Variants in EHD2 observed in about 807,000 individuals in gnomAD.
EHD2 encodes EH domain containing 2.
Under a neutral mutation model 41.0 loss-of-function variants are expected in EHD2, and 27 were observed. That is an observed-to-expected ratio of 0.66 (90% CI 0.49 to 0.91). EHD2 has a LOEUF of 0.91. Among genes scored for constraint, EHD2 ranks in the 40% least tolerant of loss-of-function variants. The probability of loss-of-function intolerance (pLI) is 0.00; values close to 1 mark genes in which losing one functional copy is unlikely to be tolerated. For synonymous variants in EHD2, 342 were observed against 341.0 expected, an observed-to-expected ratio of 1.00 and a Z score of -0.03; for missense variants, 673 against 773.9, an observed-to-expected ratio of 0.87 and a Z score of 1.55.
At chr19:47,736,207 A>T (rs1009005367) in intron 4 of EHD2, among the ~76,000 whole-genome samples, 162 bp from the exon 5 acceptor site, 2 of 151,936 alleles carry the variant, frequency 1.3e-5, no homozygotes, top group African/African-American at 2.4e-5. Context: ...AAGAAAAAAA[A>T]AGAGAGAGAG....
At chr19:47,739,351 A>G (rs190044103) in intron 5 of EHD2, among the ~76,000 whole-genome samples, 1,877 of 141,700 alleles carry the variant, frequency 0.013, 21 homozygotes, top group Middle Eastern at 0.032. Context: ...CTGTAATCCC[A>G]GCACTTTGGG....
At position 47,741,294 on chromosome 19, in the gene EHD2, C is replaced by T. The variant is rs570148430; in HGVS notation, c.1494C>T (p.Asp498=). 84 of 1,614,000 alleles carry T rather than the reference C, an allele frequency of 5.2e-5. No individual in the cohort carries two copies. Among genetic ancestry groups the T allele is most frequent in the East Asian group, 3.6e-4 (16 of 44,880 alleles). Reference sequence around the variant, plus strand: ...GGAAGCTCAGCGATGTGGACCGCGACGGCATGCTGGATGATGAGGAGTTCG... The same window carrying T: ...GGAAGCTCAGCGATGTGGACCGCGATGGCATGCTGGATGATGAGGAGTTCG... ...RIWKLSDVDR[D]GMLDDEEFAL... is the part of the protein sequence containing the mutation. The change falls in exon 6 of 6, where the codon GAC becomes GAT. Residue 498 remains aspartate (D), a synonymous_variant. Transcript: ENST00000263277. The surrounding 1 kb of genome is among the most constrained non-coding windows in gnomAD (Gnocchi z 4.5).
At position 47,717,029 on chromosome 19, in the gene EHD2, C is replaced by T. The variant is rs773809180; in HGVS notation, c.404+13C>T. The T allele has an allele frequency of 1.8e-5, 29 of 1,598,852 alleles. 1 individual carries two copies. In the African/African-American group the frequency reaches 2.1e-4, roughly 12 times the overall value. ...CCTTCCTCAACAGGTGTGCCAGCCGCGAGCCCAGGGCGCATCTTTCTTTTT... is the reference window on the plus strand; with the variant it reads ...CCTTCCTCAACAGGTGTGCCAGCCGTGAGCCCAGGGCGCATCTTTCTTTTT... On this transcript the variant is annotated intron_variant, in intron 2 of 5. Transcript: ENST00000263277.
chr19:47,716,068 CTTTTTTTTTT>C (rs60295874), intron 1 of EHD2, among the ~76,000 whole-genome samples: 2 of 100,006 alleles, frequency 2.0e-5, no homozygotes, highest in Non-Finnish European at 3.9e-5. Context: ...TGTGCCTGGC[CTTTTTTTTTT>C]TTTTTTTTTT....
At chr19:47,726,992 T>C (rs905070705) in intron 4 of EHD2, among the ~76,000 whole-genome samples, 21 of 152,020 alleles carry the variant, frequency 1.4e-4, no homozygotes, top group African/African-American at 4.8e-4. Context: ...TCCTATAAAA[T>C]ATAGACAGAC....
chr19:47,730,590 T>C (rs1486616366), intron 4 of EHD2, among the ~76,000 whole-genome samples: 1 of 152,094 alleles, frequency 6.6e-6, no homozygotes, highest in Non-Finnish European at 1.5e-5. Flanking sequence ...CCTCCAAAGA[T>C]ACCAGGCCTT....
In EHD2 at chr19:47,716,655, C is replaced by T. The variant is rs142388414; in HGVS notation, c.43C>T (p.Pro15Ser). ...LKRGGARGQQ[P>S]EAIRTVTSAL... ...GCGGGGCGGGGCACGGGGCCAGCAG[C>T]CCGAGGCCATCCGCACGGTGACCTC... Residue 15 changes from proline (P) to serine (S), a missense_variant, in exon 2 of 6, where the codon CCC becomes TCC. Transcript: ENST00000263277. The T allele has an allele frequency of 7.9e-4, 1,247 of 1,584,102 alleles. 3 individuals carry two copies. The highest frequency in any genetic ancestry group is 1.0e-3 in the Non-Finnish European group (1,212 of 1,165,354).
intron 3 of EHD2, among the ~76,000 whole-genome samples, chr19:47,721,152 T>A (rs1326506074): frequency 7.2e-6 from 1 of 138,372 alleles, no homozygotes; most frequent in African/African-American, 3.1e-5. Context: ...TGTGTCTGGA[T>A]GTGCTACTGG....
Position 47,719,436 on chromosome 19 carries a change from G to A in EHD2, c.502+830G>A, listed in dbSNP as rs1308769502. On this transcript the variant is annotated intron_variant, in intron 3 of 5. Coordinates refer to ENST00000263277, the MANE Select transcript of EHD2 (RefSeq NM_014601.4). The surrounding 1 kb of genome is among the most constrained non-coding windows in gnomAD (Gnocchi z 4.1). ...CAGCTGTGCAAGGAGAGTGGCGGGG[G>A]GTGGATTCCAGCCGGGGCCTCCGGG... Among the ~76,000 whole-genome samples the A allele has an allele frequency of 6.6e-6, 1 of 152,066 alleles. No homozygotes were observed. Among genetic ancestry groups the A allele is most frequent in the Non-Finnish European group, 1.5e-5 (1 of 67,982 alleles).
Position 47,742,355 on chromosome 19 carries a change from C to T in EHD2, c.*923C>T, listed in dbSNP as rs376637835. ...TGGTGAGATCTCAGCTCACTGCAAC[C>T]TCCACCTCCTGGGTTGAAGTGATTC... On this transcript the variant is annotated 3_prime_UTR_variant, in exon 6 of 6. Transcript: ENST00000263277. The T allele has an allele frequency of 3.4e-5, 7 of 203,310 alleles. No homozygotes were observed. The highest frequency in any genetic ancestry group is 3.0e-4 in the South Asian group (4 of 13,418). The allele number at this position is 203,310 out of a possible 1,614,324, so 12.6% of individuals were successfully genotyped here.
chr19:47,736,252 C>A, intron 4 of EHD2, 117 bp from the exon 5 acceptor site: 1 of 876,462 alleles, frequency 1.1e-6, no homozygotes. Context: ...TACAAATTCT[C>A]ATGCCCCAGC....
chr19:47,725,765 G>A, intron 3 of EHD2, 47 bp from the exon 4 acceptor site: 2 of 1,538,700 alleles, frequency 1.3e-6, no homozygotes, highest in Non-Finnish European at 1.8e-6. Flanking sequence ...GAGGGTGGGG[G>A]TCTGATTTCT....
At position 47,741,312 on chromosome 19, in the gene EHD2, G is replaced by A. The variant is rs3745758; in HGVS notation, c.1512G>A (p.Glu504=). 0.56 allele frequency: 910,958 copies of A among 1,613,280 alleles called. 264,283 individuals carry two copies. Among genetic ancestry groups the A allele is most frequent in the South Asian group, 0.66 (59,844 of 91,078 alleles). Reference sequence around the variant, plus strand: ...ACCGCGACGGCATGCTGGATGATGAGGAGTTCGCGCTGGCCAGCCACCTCA... The same window carrying A: ...ACCGCGACGGCATGCTGGATGATGAAGAGTTCGCGCTGGCCAGCCACCTCA... ...DVDRDGMLDD[E]EFALASHLIE... The change falls in exon 6 of 6, where the codon GAG becomes GAA. Residue 504 remains glutamate (E), a synonymous_variant. Coordinates refer to ENST00000263277, the MANE Select transcript of EHD2 (RefSeq NM_014601.4). This position sits in a 1 kb window ranked among gnomAD's most constrained non-coding sequence, Gnocchi z 4.5.
chr19:47,736,969 C>G (rs373490975), intron 5 of EHD2, among the ~76,000 whole-genome samples: 2 of 151,962 alleles, frequency 1.3e-5, no homozygotes, highest in Non-Finnish European at 2.9e-5. Context: ...TGGTGGCTCA[C>G]GCCTGTAATC....
In EHD2 at chr19:47,725,994, C is replaced by T. The variant is rs1475750190; in HGVS notation, c.685C>T (p.Leu229=). ...GGCCGACATGGTGGAGACGCAGCAG[C>T]TGATGCGCGTCTACGGCGCGCTCAT... ...NKADMVETQQ[L]MRVYGALMWA... The change falls in exon 4 of 6, where the codon CTG becomes TTG. Residue 229 remains leucine (L), a synonymous_variant. Transcript: ENST00000263277. 3 of 1,610,618 alleles carry T rather than the reference C, an allele frequency of 1.9e-6. No individual in the cohort carries two copies. The highest frequency in any genetic ancestry group is 2.5e-6 in the Non-Finnish European group (3 of 1,177,750).
intron 3 of EHD2, among the ~76,000 whole-genome samples, chr19:47,722,204 C>T (rs1328129037): frequency 6.6e-6 from 1 of 152,168 alleles, no homozygotes; most frequent in East Asian, 1.9e-4. Flanking sequence ...TGGGTGAGTG[C>T]CGTTGTGGGC....
chr19:47,718,367 G>T (rs1355557550), intron 2 of EHD2, 142 bp from the exon 3 acceptor site: 7 of 622,670 alleles, frequency 1.1e-5, no homozygotes, highest in African/African-American at 3.7e-5. Context: ...GATGGTCCTG[G>T]TTGCCCTTTT....
intron 4 of EHD2, among the ~76,000 whole-genome samples, chr19:47,734,768 T>C (rs1439678461): frequency 3.5e-5 from 5 of 144,434 alleles, no homozygotes; most frequent in Non-Finnish European, 7.5e-5. Context: ...AAGTGATTTC[T>C]AGAGCCGGAC....
intron 4 of EHD2, among the ~76,000 whole-genome samples, chr19:47,733,944 C>T (rs536339899): frequency 2.6e-5 from 4 of 152,178 alleles, no homozygotes; most frequent in African/African-American, 9.6e-5. Flanking sequence ...GCTTTGTCGG[C>T]TTCGGTAGAA....
Sources: allele counts gnomAD v4.1 joint callset (sites outside exome capture counted in the v4.1 genomes callset), GRCh38; gene constraint gnomAD v4.1.1; non-coding constraint Gnocchi (gnomAD v3.1); transcripts MANE v1.5; gene names NCBI Gene and HGNC (gene_info 2026-07-23, HGNC 2026-07-21).